The following NEGR1 variants were observed in gnomAD, a reference collection of about 807,000 sequenced individuals.
NEGR1 encodes IgLON family member 4.
Under a neutral mutation model 40.9 loss-of-function variants are expected in NEGR1, and 10 were observed. That is an observed-to-expected ratio of 0.24 (90% CI 0.15 to 0.42). NEGR1 has a LOEUF of 0.42. Ranked by LOEUF, NEGR1 falls within the 10% of genes least tolerant of loss-of-function variation. The pLI, the probability that NEGR1 is intolerant of heterozygous loss-of-function variation, is 1.00. For missense variants in NEGR1, 352 were observed against 438.9 expected (o/e 0.80, Z 1.77); for synonymous variants, 185 against 166.8 (o/e 1.11, Z -0.84).
At chr1:71,937,876 C>T (rs771054014) in intron 1 of NEGR1, among the ~76,000 whole-genome samples, 10 of 152,020 alleles carry the variant, frequency 6.6e-5, no homozygotes, top group Non-Finnish European at 1.5e-4. Flanking sequence ...GAGGCAGTAG[C>T]AGCTTTACCT....
intron 2 of NEGR1, among the ~76,000 whole-genome samples, chr1:71,810,076 T>C (rs1005147358): frequency 6.6e-6 from 1 of 152,150 alleles, no homozygotes; most frequent in African/African-American, 2.4e-5. Flanking sequence ...GGAAATAATA[T>C]ATTATCATTT....
intron 2 of NEGR1, among the ~76,000 whole-genome samples, chr1:71,884,652 C>A (rs541499905): frequency 9.9e-5 from 15 of 152,060 alleles, no homozygotes; most frequent in African/African-American, 3.1e-4. Context: ...ATTTGGCATG[C>A]GGGAAATTGA....
intron 2 of NEGR1, among the ~76,000 whole-genome samples, chr1:71,809,976 A>G (rs1657932124): frequency 6.6e-6 from 1 of 152,158 alleles, no homozygotes; most frequent in Non-Finnish European, 1.5e-5. Context: ...ATTGTCTCTT[A>G]AAAGATTTTC....
intron 1 of NEGR1, among the ~76,000 whole-genome samples, chr1:72,194,284 A>G (rs1652924437): frequency 6.6e-6 from 1 of 151,952 alleles, no homozygotes; most frequent in Non-Finnish European, 1.5e-5. Context: ...TTTTGCAAGT[A>G]TACTTTGTAT....
chr1:71,430,332 G>A (rs1646457832), intron 6 of NEGR1, among the ~76,000 whole-genome samples: 1 of 152,088 alleles, frequency 6.6e-6, no homozygotes, highest in African/African-American at 2.4e-5. Context: ...CCTCTGCTGG[G>A]TATTGCCCTA....
chr1:71,772,058 A>C (rs1019254909), intron 3 of NEGR1, among the ~76,000 whole-genome samples: 1 of 152,198 alleles, frequency 6.6e-6, no homozygotes, highest in Non-Finnish European at 1.5e-5. Context: ...GATTGAAAAT[A>C]ACATCACAAA....
At chr1:71,804,940 G>A (rs552448085) in intron 2 of NEGR1, among the ~76,000 whole-genome samples, 19 of 152,206 alleles carry the variant, frequency 1.2e-4, no homozygotes, top group African/African-American at 4.3e-4. Flanking sequence ...GAGAAATATC[G>A]CTGAATTCTT....
At chr1:71,501,424 T>C (rs1349940251) in intron 6 of NEGR1, among the ~76,000 whole-genome samples, 1 of 152,156 alleles carries the variant, frequency 6.6e-6, no homozygotes, top group Admixed American at 6.5e-5. Context: ...TTTGAAATAT[T>C]GATGATAGAC....
At chr1:71,762,130 AG>A (rs886185432) in intron 3 of NEGR1, among the ~76,000 whole-genome samples, 2 of 152,102 alleles carry the variant, frequency 1.3e-5, no homozygotes, top group African/African-American at 4.8e-5. Context: ...TGTGTTTGTA[AG>A]GCAACACATA....
chr1:71,766,228 G>C (rs924955831), intron 3 of NEGR1, among the ~76,000 whole-genome samples: 1 of 151,476 alleles, frequency 6.6e-6, no homozygotes, highest in African/African-American at 2.4e-5. Flanking sequence ...AGCAGGATAG[G>C]GTCAGTAGAA....
chr1:72,063,812 CA>C (rs1647213954), intron 1 of NEGR1, among the ~76,000 whole-genome samples: 1 of 151,924 alleles, frequency 6.6e-6, no homozygotes, highest in Non-Finnish European at 1.5e-5. Flanking sequence ...TAACAAGCTA[CA>C]AAGCCAAGAT....
At chr1:71,572,607 G>A (rs572985255) in intron 6 of NEGR1, among the ~76,000 whole-genome samples, 42 of 152,154 alleles carry the variant, frequency 2.8e-4, no homozygotes, top group Non-Finnish European at 4.7e-4. Flanking sequence ...CCATGTACGC[G>A]TGAGGTCTGG....
intron 6 of NEGR1, among the ~76,000 whole-genome samples, chr1:71,503,164 G>A (rs997594947): frequency 6.6e-6 from 1 of 152,160 alleles, no homozygotes; most frequent in Non-Finnish European, 1.5e-5. Context: ...GTTTTATCTG[G>A]CCTAAAGACC....
intron 4 of NEGR1, among the ~76,000 whole-genome samples, chr1:71,631,231 A>G (rs1557593695): frequency 6.6e-6 from 1 of 151,564 alleles, no homozygotes; most frequent in Non-Finnish European, 1.5e-5. Flanking sequence ...TTTCAAAAAT[A>G]TTTAAGTAAA....
chr1:72,183,013 A>G (rs941979591), intron 1 of NEGR1, among the ~76,000 whole-genome samples: 1 of 151,846 alleles, frequency 6.6e-6, no homozygotes, highest in Non-Finnish European at 1.5e-5. Flanking sequence ...CAAAACTAAG[A>G]CTAAAATCTA....
At chr1:72,241,310 T>C (rs1481871309) in intron 1 of NEGR1, among the ~76,000 whole-genome samples, 1 of 151,760 alleles carries the variant, frequency 6.6e-6, no homozygotes, top group East Asian at 1.9e-4. Context: ...TAAATTTAAA[T>C]AGCAAATATT....
chr1:72,248,159 G>T (rs537913084), intron 1 of NEGR1, among the ~76,000 whole-genome samples: 6 of 152,130 alleles, frequency 3.9e-5, no homozygotes, highest in African/African-American at 1.4e-4. Flanking sequence ...TTATAATTCA[G>T]TATGAGATTT....
At chr1:71,715,772 G>A (rs1416694952) in intron 3 of NEGR1, among the ~76,000 whole-genome samples, 1 of 152,136 alleles carries the variant, frequency 6.6e-6, no homozygotes, top group African/African-American at 2.4e-5. Context: ...GGACTTCATT[G>A]TCCATATCAC....
intron 6 of NEGR1, among the ~76,000 whole-genome samples, chr1:71,575,714 C>T (rs961891126): frequency 6.6e-6 from 1 of 152,124 alleles, no homozygotes; most frequent in Non-Finnish European, 1.5e-5. Context: ...ACCCGGGAGG[C>T]AGAGGTTGCA....
Sources: allele counts gnomAD v4.1 joint callset (sites outside exome capture counted in the v4.1 genomes callset), GRCh38; gene constraint gnomAD v4.1.1; transcripts MANE v1.5; gene names NCBI Gene and HGNC (gene_info 2026-07-23, HGNC 2026-07-21).